WRN: variants seen among roughly 807,000 people sequenced by gnomAD.
WRN encodes WRN RecQ like helicase.
A neutral mutation model predicts 180.7 loss-of-function variants in WRN; 149 were observed. The observed-to-expected ratio is 0.82, with a 90% confidence interval of 0.72 to 0.94. WRN has a LOEUF of 0.94. Ranked by LOEUF, WRN falls within the 40% of genes least tolerant of loss-of-function variation. The pLI, the probability that WRN is intolerant of heterozygous loss-of-function variation, is 0.00. For synonymous variants in WRN, 548 were observed against 568.9 expected, an observed-to-expected ratio of 0.96 and a Z score of 0.52; for missense variants, 1,661 against 1,700.1, an observed-to-expected ratio of 0.98 and a Z score of 0.40.
chr8:31,143,433 G>A (rs112484496), intron 27 of WRN, 117 bp from the exon 28 acceptor site: 105 of 677,068 alleles, frequency 1.6e-4, no homozygotes, highest in African/African-American at 1.4e-3. Flanking sequence ...TGATTAATTT[G>A]ACAGCTTGAT....
At chr8:31,044,135 A>G (rs911236337) in intron 1 of WRN, among the ~76,000 whole-genome samples, 89 of 151,210 alleles carry the variant, frequency 5.9e-4, no homozygotes, top group Admixed American at 1.1e-3. Context: ...TCCGCCTCCC[A>G]GGTTCACGCC....
intron 24 of WRN, among the ~76,000 whole-genome samples, chr8:31,137,196 G>C (rs1802433818): frequency 6.6e-6 from 1 of 151,744 alleles, no homozygotes; most frequent in African/African-American, 2.4e-5. Flanking sequence ...ATGGAAACAA[G>C]ACAATGTAAA....
chr8:31,131,811 G>T, intron 23 of WRN: 1 of 157,246 alleles, frequency 6.4e-6, no homozygotes, highest in East Asian at 1.7e-4. Context: ...GGCTTTTTGT[G>T]GACCCTGGTG....
intron 34 of WRN, chr8:31,171,346 A>C (rs988733644): frequency 1.3e-5 from 2 of 152,092 alleles, no homozygotes; most frequent in African/African-American, 4.8e-5. Context: ...AAAAAAAAAA[A>C]AACATTAAAA....
At chr8:31,116,332 T>G in intron 19 of WRN, 22 bp from the exon 20 acceptor site, 1 of 1,613,166 alleles carries the variant, frequency 6.2e-7, no homozygotes, top group Non-Finnish European at 8.5e-7. Context: ...ATGTTTGCTC[T>G]TTTGTTCTTC....
intron 23 of WRN, among the ~76,000 whole-genome samples, chr8:31,127,938 A>G (rs905624283): frequency 5.9e-5 from 9 of 152,076 alleles, no homozygotes; most frequent in African/African-American, 1.9e-4. Flanking sequence ...TCACATAAAA[A>G]AAATAATAAT....
At position 31,175,490 on chromosome 8, in the gene WRN, AC is replaced by A. The variant is rs1804249250; in HGVS notation, c.*2390del. On this transcript the variant is annotated 3_prime_UTR_variant, in exon 35 of 35. Transcript: ENST00000298139. ...AAGATCTGTTCAGAGTACAAGATGG[AC>A]CAATGGATTTGATATATTTGAATAT... Among the ~76,000 whole-genome samples the A allele has an allele frequency of 6.6e-6, 1 of 152,206 alleles. No individual in the cohort carries two copies. Among genetic ancestry groups the A allele is most frequent in the African/African-American group, 2.4e-5 (1 of 41,448 alleles).
intron 20 of WRN, among the ~76,000 whole-genome samples, chr8:31,118,112 A>C (rs1402001431): frequency 1.3e-5 from 2 of 152,178 alleles, no homozygotes; most frequent in African/African-American, 2.4e-5. Flanking sequence ...ACGTTGTGAC[A>C]GGAGACTTTG....
At chr8:31,094,256 A>G (rs73581731) in intron 16 of WRN, among the ~76,000 whole-genome samples, 3 of 152,108 alleles carry the variant, frequency 2.0e-5, no homozygotes, top group African/African-American at 7.2e-5. Context: ...ATATATAACC[A>G]TCATAATTAA....
chr8:31,157,462 G>C lies in WRN; in HGVS notation c.3914G>C (p.Arg1305Pro). ...GCTGGCTGCCCCCTTGATTTGGAGC[G>C]AGCAGGCCTGACTCCAGAGGTTCAG... The part of the protein sequence containing the change: ...VKAGCPLDLE[R>P]AGLTPEVQKI... Residue 1305 changes from arginine (R) to proline (P), a missense_variant, in exon 33 of 35, where the codon CGA (arginine) becomes CCA (proline). This residue lies in a region of WRN where 1,141 missense variants were observed against 1,149.4 expected (regional missense o/e 0.99). Transcript: ENST00000298139. The C allele has an allele frequency of 6.2e-7, 1 of 1,614,052 alleles. No homozygotes were observed. Among genetic ancestry groups the C allele is most frequent in the Non-Finnish European group, 8.5e-7 (1 of 1,180,016 alleles).
At chr8:31,087,676 C>G in intron 11 of WRN, 100 bp from the exon 12 acceptor site, 1 of 1,298,700 alleles carries the variant, frequency 7.7e-7, no homozygotes. Context: ...CAGCTTTCGA[C>G]AAAATTGTAG....
intron 7 of WRN, among the ~76,000 whole-genome samples, chr8:31,075,656 G>A (rs1813067497): frequency 6.6e-6 from 1 of 151,824 alleles, no homozygotes; most frequent in African/African-American, 2.4e-5. Context: ...GGAGGTGGAG[G>A]TTGCAGTGAG....
intron 9 of WRN, 134 bp downstream of exon 9, chr8:31,081,430 T>TA: frequency 1.1e-6 from 1 of 924,778 alleles, no homozygotes; most frequent in Non-Finnish European, 1.6e-6. Flanking sequence ...TCAGTTCTGT[T>TA]ATTGTAGTGT....
chr8:31,037,138 G>T (rs1244566571), intron 1 of WRN, among the ~76,000 whole-genome samples: 1 of 152,190 alleles, frequency 6.6e-6, no homozygotes, highest in African/African-American at 2.4e-5. Flanking sequence ...CCCTGAGCTT[G>T]TTTTCCTGAA....
intron 7 of WRN, among the ~76,000 whole-genome samples, chr8:31,075,218 G>C (rs979189075): frequency 6.6e-6 from 1 of 152,160 alleles, no homozygotes; most frequent in African/African-American, 2.4e-5. Context: ...TAGTAATCAG[G>C]AATAGCAGGT....
intron 30 of WRN, 62 bp downstream of exon 30, chr8:31,147,538 T>C (rs749365471): frequency 5.8e-5 from 86 of 1,475,550 alleles, no homozygotes; most frequent in Non-Finnish European, 7.9e-5. Context: ...TTGGAAAATA[T>C]ATCTAAGTTG....
At chr8:31,066,098 G>A (rs781705456) in intron 5 of WRN, among the ~76,000 whole-genome samples, 3 of 151,846 alleles carry the variant, frequency 2.0e-5, no homozygotes, top group East Asian at 1.9e-4. Flanking sequence ...GGCTGATCTC[G>A]AACTCCTGAC....
chr8:31,161,502 T>C (rs1226434986), intron 33 of WRN, among the ~76,000 whole-genome samples: 1 of 152,098 alleles, frequency 6.6e-6, no homozygotes, highest in African/African-American at 2.4e-5. Context: ...TATATAAACA[T>C]AGTGAAACAT....
At chr8:31,058,324 A>T (rs1396264334) in intron 1 of WRN, 48 bp from the exon 2 acceptor site, 19 of 798,990 alleles carry the variant, frequency 2.4e-5, no homozygotes, top group Non-Finnish European at 6.2e-6. Flanking sequence ...AACTTACTTT[A>T]AATATGTATG....
Sources: allele counts gnomAD v4.1 joint callset (sites outside exome capture counted in the v4.1 genomes callset), GRCh38; gene constraint gnomAD v4.1.1; regional missense constraint gnomAD v4.1.1; transcripts MANE v1.5; gene names NCBI Gene and HGNC (gene_info 2026-07-23, HGNC 2026-07-21).